PRPF6: variants seen among roughly 807,000 people sequenced by gnomAD.
The protein encoded by PRPF6 is pre-mRNA-processing factor 6.
Under a neutral mutation model 118.3 loss-of-function variants are expected in PRPF6, and 42 were observed. The ratio of observed to expected loss-of-function variants is 0.35; its 90% CI spans 0.28 to 0.46. PRPF6 has a LOEUF of 0.46. Among genes scored for constraint, PRPF6 ranks in the 20% least tolerant of loss-of-function variants. The pLI, the probability that PRPF6 is intolerant of heterozygous loss-of-function variation, is 1.00. For missense variants in PRPF6, 662 were observed against 1,255.7 expected, an observed-to-expected ratio of 0.53 and a Z score of 7.15; for synonymous variants, 481 against 485.1, an observed-to-expected ratio of 0.99 and a Z score of 0.11.
intron 11 of PRPF6, 128 bp from the exon 12 acceptor site, chr20:64,016,595 A>G (rs1479326047): frequency 1.6e-6 from 2 of 1,227,772 alleles, no homozygotes; most frequent in Admixed American, 2.0e-5. Flanking sequence ...TCAGATCCCC[A>G]GTAGGCAGTG....
Position 64,032,985 on chromosome 20 carries a change from A to G in PRPF6, c.2818A>G (p.Thr940Ala), listed in dbSNP as rs1342591802. The G allele has an allele frequency of 6.2e-7, 1 of 1,612,988 alleles. No individual in the cohort carries two copies. The highest frequency in any genetic ancestry group is 8.5e-7 in the Non-Finnish European group (1 of 1,179,986). Reference protein sequence around the residue: ...LRLVAGRIKNTF With the variant: ...LRLVAGRIKNAF ...GCTGGTGGCCGGCCGCATCAAGAACACCTTCTGATTGAGCGGTTGCCATGG... is the reference window on the plus strand; with the variant it reads ...GCTGGTGGCCGGCCGCATCAAGAACGCCTTCTGATTGAGCGGTTGCCATGG... Residue 940 changes from threonine to alanine, a missense_variant, in exon 21 of 21, where the codon ACC becomes GCC. Physicochemically the swap from Thr to Ala is moderately conservative, Grantham distance 58 (BLOSUM62 0). Around this residue, in one of 10 missense-constraint regions of PRPF6, gnomAD observed 244 missense variants for 383.7 expected, o/e 0.64. Coordinates refer to ENST00000266079, the MANE Select transcript of PRPF6 (RefSeq NM_012469.4).
chr20:64,023,735 A>G (rs1017195887), intron 13 of PRPF6, among the ~76,000 whole-genome samples: 1 of 152,188 alleles, frequency 6.6e-6, no homozygotes, highest in Non-Finnish European at 1.5e-5. Context: ...GTAGAAGGTC[A>G]CCTGGGGCAG....
chr20:64,020,546 A>G (rs1028696394), intron 12 of PRPF6, among the ~76,000 whole-genome samples: 2 of 151,212 alleles, frequency 1.3e-5, no homozygotes, highest in African/African-American at 2.4e-5. Context: ...AGTCAGACGA[A>G]CCCCCAGAGG....
chr20:63,984,288 G>A (rs530734247), intron 2 of PRPF6, among the ~76,000 whole-genome samples: 96 of 152,190 alleles, frequency 6.3e-4, no homozygotes, highest in South Asian at 4.6e-3. Context: ...GGGCATGGTG[G>A]CATGTGCCTG....
At chr20:64,023,764 C>T (rs534957078) in intron 13 of PRPF6, among the ~76,000 whole-genome samples, 1 of 152,182 alleles carries the variant, frequency 6.6e-6, no homozygotes, top group Non-Finnish European at 1.5e-5. Context: ...AAGAACAGGG[C>T]GGTGCCAGGT....
intron 9 of PRPF6, among the ~76,000 whole-genome samples, chr20:64,005,924 G>A (rs1360839490): frequency 6.6e-6 from 1 of 151,916 alleles, no homozygotes; most frequent in Non-Finnish European, 1.5e-5. Flanking sequence ...TCAAAGAGAC[G>A]AGGTCTCCCT....
chr20:64,014,920 G>A (rs816917), intron 11 of PRPF6, among the ~76,000 whole-genome samples: 31,806 of 152,120 alleles, frequency 0.21, 3,686 homozygotes, highest in African/African-American at 0.29. Context: ...GTCCGACACC[G>A]TGAGTGGAAT....
Position 64,029,319 on chromosome 20 carries a change from A to G in PRPF6, c.2432-58A>G. 12 of 1,498,196 alleles carry G rather than the reference A, an allele frequency of 8.0e-6. No individual in the cohort carries two copies. In the South Asian group the frequency reaches 1.1e-4, roughly 14 times the overall value. The allele number at this position is 1,498,196 out of a possible 1,614,324, so 92.8% of individuals were successfully genotyped here. A position where few individuals can be genotyped will look rare whatever the true frequency, so the allele number is the denominator to read the frequency against. On this transcript the variant is annotated intron_variant, in intron 18 of 20. Coordinates refer to ENST00000266079, the MANE Select transcript of PRPF6 (RefSeq NM_012469.4). The surrounding 1 kb of genome is among the most constrained non-coding windows in gnomAD (Gnocchi z 4.8). ...CCGGGTTAGAATCTGTAGGCTGGGC[A>G]CCTTTCCGGAACCAGAGGCTGGAGT...
chr20:63,988,083 A>G (rs1454471694), intron 3 of PRPF6, among the ~76,000 whole-genome samples: 1 of 151,576 alleles, frequency 6.6e-6, no homozygotes, highest in South Asian at 2.1e-4. Flanking sequence ...ACCTTGGGAG[A>G]GTGAGGTGGG....
At chr20:64,009,279 C>CAAA (rs59045216) in intron 9 of PRPF6, among the ~76,000 whole-genome samples, 116 of 38,138 alleles carry the variant, frequency 3.0e-3, no homozygotes, top group African/African-American at 3.7e-3. Context: ...GACTCCATCG[C>CAAA]AAAAAAAAAA....
chr20:63,998,796 T>C (rs6090031), intron 6 of PRPF6, among the ~76,000 whole-genome samples: 118,474 of 150,064 alleles, frequency 0.79, 47,118 homozygotes, highest in East Asian at 0.96. Flanking sequence ...GAGCCGAGAT[T>C]GCACAACTGC....
At chr20:64,031,678 A>G (rs2059314366) in intron 19 of PRPF6, among the ~76,000 whole-genome samples, 1 of 151,060 alleles carries the variant, frequency 6.6e-6, no homozygotes, top group Non-Finnish European at 1.5e-5. Context: ...TTCTCAAAAA[A>G]AAAAAAAAAA....
intron 9 of PRPF6, among the ~76,000 whole-genome samples, chr20:64,005,575 A>G (rs2059186690): frequency 6.6e-6 from 1 of 151,750 alleles, no homozygotes; most frequent in Non-Finnish European, 1.5e-5. Context: ...TGGATGAGTA[A>G]CCCAAATCTT....
chr20:63,983,319 T>C, intron 2 of PRPF6, 104 bp downstream of exon 2: 1 of 1,427,136 alleles, frequency 7.0e-7, no homozygotes, highest in South Asian at 1.2e-5. Flanking sequence ...GAGTGGCTCA[T>C]GCATTTAAAT....
chr20:64,005,099 C>G (rs2059183835), intron 9 of PRPF6, among the ~76,000 whole-genome samples: 1 of 152,166 alleles, frequency 6.6e-6, no homozygotes, highest in African/African-American at 2.4e-5. Context: ...TGTGCTTCCT[C>G]CACTTCTGCT....
At chr20:63,989,559 C>T (rs928520216) in intron 3 of PRPF6, among the ~76,000 whole-genome samples, 1 of 147,952 alleles carries the variant, frequency 6.8e-6, no homozygotes. Flanking sequence ...GGCTCATTTC[C>T]TCTTTCTGTT....
intron 9 of PRPF6, among the ~76,000 whole-genome samples, chr20:64,006,884 T>C (rs2059192401): frequency 6.6e-6 from 1 of 152,210 alleles, no homozygotes; most frequent in Admixed American, 6.5e-5. Flanking sequence ...GGTGAATTCA[T>C]ATAGCTTCGT....
chr20:63,987,198 G>T (rs1278398656), intron 3 of PRPF6, among the ~76,000 whole-genome samples: 1 of 148,522 alleles, frequency 6.7e-6, no homozygotes, highest in East Asian at 2.0e-4. Context: ...AAGGGGGGGG[G>T]AGCATAACAC....
rs766232602 is a variant in PRPF6 at position 63,985,034 on chromosome 20, A to G, written c.359+9A>G. On this transcript the variant is annotated intron_variant, in intron 3 of 20. Transcript: ENST00000266079. ...AGAAGAAAAGAAAGACGGTAAAAGA[A>G]ATTGTTGCCTTTCACAATATTTATC... 1 of 1,606,686 alleles carries G rather than the reference A, an allele frequency of 6.2e-7. No homozygotes were observed. Among genetic ancestry groups the G allele is most frequent in the South Asian group, 1.1e-5 (1 of 90,896 alleles).
Sources: allele counts gnomAD v4.1 joint callset (sites outside exome capture counted in the v4.1 genomes callset), GRCh38; gene constraint gnomAD v4.1.1; regional missense constraint gnomAD v4.1.1; non-coding constraint Gnocchi (gnomAD v3.1); transcripts MANE v1.5; gene names NCBI Gene and HGNC (gene_info 2026-07-23, HGNC 2026-07-21).